The following MEP1B variants were observed in gnomAD, a reference collection of about 807,000 sequenced individuals.
The protein encoded by MEP1B is N-benzoyl-L-tyrosyl-P-amino-benzoic acid hydrolase subunit beta.
MEP1B carries 80 observed loss-of-function variants against 84.6 expected under a neutral mutation model. That is an observed-to-expected ratio of 0.95 (90% CI 0.79 to 1.14). The LOEUF (loss-of-function observed/expected upper bound fraction) is 1.14. Ranked by LOEUF, MEP1B falls within the 50% of genes most tolerant of loss-of-function variation. The pLI is 0.00. For synonymous variants in MEP1B, 273 were observed against 288.1 expected (o/e 0.95, Z 0.53); for missense variants, 766 against 855.1 (o/e 0.90, Z 1.30).
chr18:32,203,545 G>A (rs559229130), intron 6 of MEP1B, among the ~76,000 whole-genome samples: 1 of 152,302 alleles, frequency 6.6e-6, no homozygotes, highest in Admixed American at 6.5e-5. Context: ...TTGCTCCTAT[G>A]TAATATTTGG....
intron 6 of MEP1B, 26 bp from the exon 7 acceptor site, chr18:32,204,156 C>T: frequency 6.3e-7 from 1 of 1,588,338 alleles, no homozygotes; most frequent in Non-Finnish European, 8.6e-7. Context: ...ATTCTCTTCC[C>T]CCTTTCTTGT....
chr18:32,216,006 A>G (rs907120229), intron 12 of MEP1B, among the ~76,000 whole-genome samples: 1 of 52,120 alleles, frequency 1.9e-5, no homozygotes, highest in Non-Finnish European at 4.1e-5. Context: ...ATATATATAT[A>G]TATATATATA....
chr18:32,210,255 C>T (rs1363444469), intron 9 of MEP1B, among the ~76,000 whole-genome samples: 2 of 152,160 alleles, frequency 1.3e-5, no homozygotes, highest in East Asian at 1.9e-4. Context: ...TTAGTGCCCA[C>T]GGAAAACTAC....
chr18:32,203,305 T>TA (rs2144399591), intron 6 of MEP1B: 1 of 241,836 alleles, frequency 4.1e-6, no homozygotes, highest in African/African-American at 2.2e-5. Context: ...CCCTTTCAAG[T>TA]AAAAAACATG....
chr18:32,191,795 T>C, intron 1 of MEP1B, 27 bp from the exon 2 acceptor site: 1 of 1,465,674 alleles, frequency 6.8e-7, no homozygotes, highest in Non-Finnish European at 9.3e-7. Flanking sequence ...TATAATAATA[T>C]GTTTTGTTTA....
Position 32,215,364 on chromosome 18 carries a change from T to C in MEP1B, c.1759+103T>C, listed in dbSNP as rs572792050. On this transcript the variant is annotated intron_variant, in intron 12 of 14. Coordinates refer to ENST00000269202, the MANE Select transcript of MEP1B (RefSeq NM_005925.3). ...GCATTCCACTTTTAGATGTATTATA[T>C]AGAGATGTGGGGGGAATGGGCATGA... 2.2e-5 allele frequency: 15 copies of C among 681,802 alleles called. No homozygotes were observed. In the East Asian group the frequency reaches 3.8e-4, roughly 17 times the overall value. 42.2% of individuals were successfully genotyped at this position (681,802 alleles called of 1,614,324 possible).
rs1342923398 is a variant in MEP1B, at chr18:32,204,256, C to G, written c.443C>G (p.Ala148Gly). Residue 148 changes from alanine (A) to glycine (G), a missense_variant, in exon 7 of 15, where the codon GCA becomes GGA. Physicochemically the swap from Ala to Gly is moderately conservative, Grantham distance 60. Coordinates refer to ENST00000269202, the MANE Select transcript of MEP1B (RefSeq NM_005925.3). ...ATCGGGGCAAACTGTGACCGAATAG[C>G]AACAGTTCAACACGAGTTCCTCCAC... Reference protein sequence around the residue: ...LSIGANCDRIATVQHEFLHAL... With the variant: ...LSIGANCDRIGTVQHEFLHAL... 2 of 1,604,222 alleles carry G rather than the reference C, an allele frequency of 1.2e-6. No homozygotes were observed. Among genetic ancestry groups the G allele is most frequent in the African/African-American group, 2.7e-5 (2 of 74,590 alleles).
intron 5 of MEP1B, among the ~76,000 whole-genome samples, chr18:32,202,028 T>C (rs1208943359): frequency 1.3e-5 from 2 of 152,218 alleles, no homozygotes; most frequent in East Asian, 1.9e-4. Flanking sequence ...CTCACTTAAC[T>C]GATAATAACA....
chr18:32,203,760 C>G (rs943768086), intron 6 of MEP1B, among the ~76,000 whole-genome samples: 1 of 152,018 alleles, frequency 6.6e-6, no homozygotes, highest in Non-Finnish European at 1.5e-5. Flanking sequence ...TTTGGGGAGG[C>G]CTCCGGAAGC....
intron 4 of MEP1B, among the ~76,000 whole-genome samples, chr18:32,194,372 A>G (rs556889601): frequency 1.6e-4 from 24 of 152,058 alleles, no homozygotes; most frequent in Non-Finnish European, 2.9e-4. Flanking sequence ...ACAGGCAGTG[A>G]CTTCATTTCA....
At chr18:32,215,356 G>GTATTATATATAGATGTATTATA in intron 12 of MEP1B, 95 bp downstream of exon 12, 1 of 745,746 alleles carries the variant, frequency 1.3e-6, no homozygotes, top group Non-Finnish European at 2.1e-6. Context: ...ACTTTTAGAT[G>GTATTATATATAGATGTATTATA]TATTATATAG....
intron 4 of MEP1B, among the ~76,000 whole-genome samples, chr18:32,193,103 T>C (rs994603043): frequency 6.6e-6 from 1 of 152,198 alleles, no homozygotes; most frequent in South Asian, 2.1e-4. Context: ...TGGAGCAATA[T>C]GACATTTGAT....
At chr18:32,203,688 G>A (rs1235082434) in intron 6 of MEP1B, among the ~76,000 whole-genome samples, 1 of 152,158 alleles carries the variant, frequency 6.6e-6, no homozygotes, top group Non-Finnish European at 1.5e-5. Context: ...CAGAAAAGAG[G>A]TTTAACTGGC....
intron 10 of MEP1B, among the ~76,000 whole-genome samples, chr18:32,211,652 T>C (rs1386791869): frequency 6.6e-6 from 1 of 152,052 alleles, no homozygotes; most frequent in Non-Finnish European, 1.5e-5. Context: ...AATTCCTGAG[T>C]GGGAAATGGG....
chr18:32,214,415 A>G (rs993371279), intron 11 of MEP1B, among the ~76,000 whole-genome samples: 10 of 152,372 alleles, frequency 6.6e-5, no homozygotes, highest in Admixed American at 3.3e-4. Context: ...AAATCGACAT[A>G]GAAAAAAATC....
rs548698581 is a variant in MEP1B, at chr18:32,196,241, C to A, written c.250+756C>A. 1 of 701,304 alleles carries A rather than the reference C, an allele frequency of 1.4e-6. No homozygotes were observed. The highest frequency in any genetic ancestry group is 2.7e-6 in the Non-Finnish European group (1 of 373,138). 43.4% of individuals were successfully genotyped at this position (701,304 alleles called of 1,614,324 possible). ...GGAATGAAGAGGATGCCATTGATGC[C>A]TTTGAACTGCTCCAAGACGCTGGCC... On this transcript the variant is annotated intron_variant, in intron 5 of 14. Coordinates refer to ENST00000269202, the MANE Select transcript of MEP1B (RefSeq NM_005925.3). The surrounding 1 kb of genome is among the most constrained non-coding windows in gnomAD (Gnocchi z 4.4).
intron 6 of MEP1B, 178 bp downstream of exon 6, chr18:32,203,188 C>T (rs1001256537): frequency 9.7e-6 from 5 of 517,182 alleles, no homozygotes; most frequent in African/African-American, 1.9e-5. Context: ...ATTATATTCC[C>T]ATACATGTAA....
At chr18:32,218,158 G>A (rs2041113504) in intron 14 of MEP1B, among the ~76,000 whole-genome samples, 193 bp downstream of exon 14, 1 of 152,166 alleles carries the variant, frequency 6.6e-6, no homozygotes, top group Non-Finnish European at 1.5e-5. Context: ...GGGATTTATG[G>A]AGGTTCATTA....
chr18:32,194,202 C>T (rs560890770), intron 4 of MEP1B, among the ~76,000 whole-genome samples: 1 of 152,302 alleles, frequency 6.6e-6, no homozygotes, highest in African/African-American at 2.4e-5. Flanking sequence ...CACTGCAAAT[C>T]GTCCACTTTT....
Sources: gnomAD v4.1 joint callset for allele counts (sites outside exome capture counted in the v4.1 genomes callset) on GRCh38, gnomAD v4.1.1 for gene constraint, Gnocchi (gnomAD v3.1) non-coding constraint, MANE v1.5 for transcripts, NCBI Gene and HGNC (gene_info 2026-07-23, HGNC 2026-07-21) for gene names.